Variants in ATG4A observed in about 807,000 individuals in gnomAD.
ATG4A encodes cysteine protease ATG4A.
In ATG4A, 22 loss-of-function variants were observed where a neutral mutation model predicts 38.4. That is an observed-to-expected ratio of 0.57 (90% CI 0.41 to 0.82). The LOEUF (loss-of-function observed/expected upper bound fraction) is 0.82. Ranked by LOEUF, ATG4A falls within the 40% of genes least tolerant of loss-of-function variation. The probability of loss-of-function intolerance (pLI) is 0.00; values close to 1 mark genes in which losing one functional copy is unlikely to be tolerated. For synonymous variants in ATG4A, 86 were observed against 100.7 expected (o/e 0.85, Z 0.88); for missense variants, 220 against 290.0 (o/e 0.76, Z 1.75).
chrX:108,153,151 G>T, intron 12 of ATG4A, 64 bp downstream of exon 12: 1 of 822,276 alleles, frequency 1.2e-6, no homozygotes, highest in South Asian at 2.2e-5. Flanking sequence ...TTATGAGAAA[G>T]AAGAATTGTG....
At chrX:108,121,733 G>C (rs1475775500) in intron 1 of ATG4A, among the ~76,000 whole-genome samples, 1 of 111,432 alleles carries the variant, frequency 9.0e-6, no homozygotes, top group Non-Finnish European at 1.9e-5. Context: ...TTCACTTATT[G>C]CACTTCTGTT....
intron 9 of ATG4A, among the ~76,000 whole-genome samples, chrX:108,140,626 G>C (rs1420821613): frequency 9.9e-6 from 1 of 100,924 alleles, no homozygotes; most frequent in East Asian, 3.0e-4. Flanking sequence ...TATATAAAAT[G>C]TATTACATAT....
intron 4 of ATG4A, 40 bp from the exon 5 acceptor site, chrX:108,134,016 GT>G (rs2033032133): frequency 9.7e-7 from 1 of 1,035,210 alleles, no homozygotes; most frequent in Non-Finnish European, 1.3e-6. Flanking sequence ...GGAATAAACA[GT>G]TATAAAAATG....
intron 1 of ATG4A, among the ~76,000 whole-genome samples, chrX:108,099,254 A>G (rs2031927903): frequency 9.0e-6 from 1 of 111,593 alleles, no homozygotes; most frequent in South Asian, 3.7e-4. Context: ...ATAAAGTTCA[A>G]CATCTTTTCA....
At chrX:108,119,851 T>C (rs1389408531) in intron 1 of ATG4A, among the ~76,000 whole-genome samples, 1 of 112,461 alleles carries the variant, frequency 8.9e-6, no homozygotes, top group African/African-American at 3.2e-5. Context: ...AATATTTTCA[T>C]GGTGTCTTGA....
At chrX:108,130,277 C>A (rs1262899723) in intron 3 of ATG4A, among the ~76,000 whole-genome samples, 1 of 111,199 alleles carries the variant, frequency 9.0e-6, no homozygotes, top group Non-Finnish European at 1.9e-5. Context: ...CTTCTGAGAT[C>A]ATGTTTAGCA....
At chrX:108,088,885 T>C (rs770057550), upstream of ATG4A, 2 of 1,050,126 alleles carry the variant, frequency 1.9e-6, no homozygotes, top group Middle Eastern at 2.6e-4. Context: ...ATTCTTGAAA[T>C]AGAAGGCAAA....
intron 10 of ATG4A, 78 bp from the exon 11 acceptor site, chrX:108,151,724 A>C (rs2033592158): frequency 9.7e-7 from 1 of 1,029,007 alleles, no homozygotes; most frequent in African/African-American, 1.9e-5. Flanking sequence ...ACTGGCCCAC[A>C]TCCTAATTCT....
At chrX:108,126,674 A>T in intron 2 of ATG4A, 2 of 798,549 alleles carry the variant, frequency 2.5e-6, no homozygotes, top group Non-Finnish European at 3.3e-6. Context: ...TAAGTTTTAG[A>T]TCTTTTGCTG....
chrX:108,104,925 G>GT (rs56127774), intron 1 of ATG4A, among the ~76,000 whole-genome samples: 38,787 of 86,780 alleles, frequency 0.45, 6,852 homozygotes, highest in Non-Finnish European at 0.5. Context: ...TACCTGTCAT[G>GT]TTTTTTTTTT....
At chrX:108,126,890 T>C in intron 2 of ATG4A, 1 of 577,731 alleles carries the variant, frequency 1.7e-6, no homozygotes, top group South Asian at 2.4e-5. Context: ...TTTGTGTCTT[T>C]CTGAGGAGAC....
At chrX:108,111,210 A>C (rs773708243) in intron 1 of ATG4A, among the ~76,000 whole-genome samples, 2 of 111,975 alleles carry the variant, frequency 1.8e-5, no homozygotes, top group Admixed American at 9.4e-5. Flanking sequence ...TCTCATTGCT[A>C]TCCTTCTATA....
At chrX:108,125,794 A>G (rs2032782241) in intron 1 of ATG4A, among the ~76,000 whole-genome samples, 1 of 111,977 alleles carries the variant, frequency 8.9e-6, no homozygotes, top group African/African-American at 3.2e-5. Context: ...AGAAGGCCCC[A>G]TGGTATAAAA....
intron 1 of ATG4A, among the ~76,000 whole-genome samples, chrX:108,125,371 G>A (rs904035913): frequency 9.0e-6 from 1 of 111,045 alleles, no homozygotes; most frequent in Non-Finnish European, 1.9e-5. Context: ...AAAGATGCAC[G>A]TAGCATCCCT....
At chrX:108,143,354 A>T (rs2033350650) in intron 9 of ATG4A, among the ~76,000 whole-genome samples, 1 of 111,051 alleles carries the variant, frequency 9.0e-6, no homozygotes, top group Non-Finnish European at 1.9e-5. Flanking sequence ...TTCCTGGTGG[A>T]GTGACCCAAA....
intron 1 of ATG4A, among the ~76,000 whole-genome samples, chrX:108,093,780 G>A (rs766747816): frequency 2.7e-5 from 3 of 112,053 alleles, no homozygotes; most frequent in Non-Finnish European, 5.6e-5. Flanking sequence ...GTGAAGTGGT[G>A]TCTCATTGTG....
intron 3 of ATG4A, 88 bp from the exon 4 acceptor site, chrX:108,131,172 C>T (rs1334948651): frequency 1.3e-6 from 1 of 793,770 alleles, no homozygotes; most frequent in East Asian, 3.2e-5. Context: ...ATATATTTAC[C>T]TGTCTTGTGT....
chrX:108,138,843 G>A lies in ATG4A; in HGVS notation c.814+652G>A, dbSNP rs1032263265. On this transcript the variant is annotated intron_variant, in intron 9 of 12. Coordinates refer to ENST00000372232, the MANE Select transcript of ATG4A (RefSeq NM_052936.5). Reference sequence around the variant, plus strand: ...TGAATCACCTTGAGAGCCTATTGGAGTGCAGGTTCAGTAGGTCTTGGGTGC... The same window carrying A: ...TGAATCACCTTGAGAGCCTATTGGAATGCAGGTTCAGTAGGTCTTGGGTGC... Among the ~76,000 whole-genome samples, 10 of 112,018 alleles carry A rather than the reference G, an allele frequency of 8.9e-5. No individual in the cohort carries two copies. In the Admixed American group the frequency reaches 9.5e-4, roughly 11 times the overall value.
chrX:108,145,561 T>C (rs938680457), intron 9 of ATG4A, among the ~76,000 whole-genome samples: 1 of 112,987 alleles, frequency 8.9e-6, no homozygotes, highest in Non-Finnish European at 1.9e-5. Context: ...AAGATCCATC[T>C]GTCTTCTGCA....
Sources: gnomAD v4.1 joint callset for allele counts (sites outside exome capture counted in the v4.1 genomes callset) on GRCh38, gnomAD v4.1.1 for gene constraint, MANE v1.5 for transcripts, NCBI Gene and HGNC (gene_info 2026-07-23, HGNC 2026-07-21) for gene names.